Variants in IPMK observed in about 807,000 individuals in gnomAD.
IPMK encodes the protein inositol 1,3,4,6-tetrakisphosphate 5-kinase.
A neutral mutation model predicts 45.8 loss-of-function variants in IPMK; 17 were observed. The observed-to-expected ratio is 0.37, with a 90% CI of 0.25 to 0.56. IPMK has a LOEUF of 0.56. Ranked by LOEUF, IPMK falls within the 20% of genes least tolerant of loss-of-function variation. The pLI, the probability that IPMK is intolerant of heterozygous loss-of-function variation, is 0.79. For synonymous variants in IPMK, 180 were observed against 184.3 expected (o/e 0.98, Z 0.19); for missense variants, 399 against 498.0 (o/e 0.80, Z 1.89).
intron 1 of IPMK, among the ~76,000 whole-genome samples, chr10:58,260,996 CTTA>C (rs1271260964): frequency 2.0e-5 from 3 of 150,988 alleles, no homozygotes; most frequent in Non-Finnish European, 4.4e-5. Flanking sequence ...TGCATGAAGA[CTTA>C]TTATAAAATA....
intron 2 of IPMK, among the ~76,000 whole-genome samples, chr10:58,231,455 G>T (rs1430177532): frequency 1.3e-5 from 2 of 152,202 alleles, no homozygotes; most frequent in East Asian, 3.9e-4. Flanking sequence ...ACAAAGGGAA[G>T]CCCATCAGAC....
At chr10:58,265,341 C>T (rs977606686) in intron 1 of IPMK, among the ~76,000 whole-genome samples, 12 of 152,130 alleles carry the variant, frequency 7.9e-5, no homozygotes, top group African/African-American at 2.7e-4. Context: ...CAAATACCAA[C>T]ATAACGTCCT....
At chr10:58,225,354 C>T (rs1348149375) in intron 3 of IPMK, among the ~76,000 whole-genome samples, 4 of 152,078 alleles carry the variant, frequency 2.6e-5, no homozygotes, top group Non-Finnish European at 5.9e-5. Flanking sequence ...TTGTAAATAA[C>T]CAAGATAGAG....
chr10:58,233,282 A>G (rs1485011796), intron 2 of IPMK, among the ~76,000 whole-genome samples: 1 of 152,164 alleles, frequency 6.6e-6, no homozygotes, highest in African/African-American at 2.4e-5. Context: ...AACTATTCCA[A>G]TCAATAGAAA....
chr10:58,262,993 G>A (rs1477192809), intron 1 of IPMK, among the ~76,000 whole-genome samples: 1 of 152,206 alleles, frequency 6.6e-6, no homozygotes, highest in Non-Finnish European at 1.5e-5. Flanking sequence ...ATCAACAGAT[G>A]CCAAATCTAG....
intron 1 of IPMK, among the ~76,000 whole-genome samples, chr10:58,255,107 A>C (rs2590350): frequency 0.067 from 10,232 of 152,312 alleles, 802 homozygotes; most frequent in African/African-American, 0.19. Context: ...GCTATCCCAC[A>C]GACTGTCCCC....
intron 2 of IPMK, among the ~76,000 whole-genome samples, chr10:58,228,660 A>G (rs1170602260): frequency 6.6e-6 from 1 of 152,152 alleles, no homozygotes; most frequent in Non-Finnish European, 1.5e-5. Context: ...CAGCCTCCCG[A>G]GTAGCTGGGA....
At chr10:58,267,323 G>A (rs1036718228) in intron 1 of IPMK, 99 bp downstream of exon 1, 7 of 1,182,968 alleles carry the variant, frequency 5.9e-6, no homozygotes, top group East Asian at 2.4e-5. Flanking sequence ...CACACCAGGG[G>A]GGCGTCCAGG....
chr10:58,222,630 C>A (rs913930904), intron 3 of IPMK, among the ~76,000 whole-genome samples: 5 of 152,058 alleles, frequency 3.3e-5, no homozygotes, highest in African/African-American at 1.2e-4. Flanking sequence ...AGAAATAAAG[C>A]TACATTTAAG....
At chr10:58,218,926 T>A (rs187195252) in intron 3 of IPMK, among the ~76,000 whole-genome samples, 48 of 152,322 alleles carry the variant, frequency 3.2e-4, no homozygotes, top group Non-Finnish European at 6.0e-4. Context: ...ATTCCTATTG[T>A]CCAGTGAAAC....
intron 3 of IPMK, among the ~76,000 whole-genome samples, chr10:58,219,076 T>C (rs891278751): frequency 6.6e-6 from 1 of 152,224 alleles, no homozygotes; most frequent in Non-Finnish European, 1.5e-5. Flanking sequence ...GTCCTTCTTA[T>C]GTTTCATATG....
intron 1 of IPMK, among the ~76,000 whole-genome samples, chr10:58,257,481 C>T (rs571618840): frequency 5.9e-5 from 9 of 151,724 alleles, no homozygotes; most frequent in African/African-American, 2.2e-4. Flanking sequence ...GGCAACGGAG[C>T]AAGACTCTGT....
At chr10:58,266,424 G>C (rs992695821) in intron 1 of IPMK, among the ~76,000 whole-genome samples, 2 of 152,142 alleles carry the variant, frequency 1.3e-5, no homozygotes, top group African/African-American at 2.4e-5. Context: ...AGAACTCTTG[G>C]TTTCACAATT....
chr10:58,213,933 G>A (rs549228425), intron 4 of IPMK, among the ~76,000 whole-genome samples: 52 of 152,316 alleles, frequency 3.4e-4, no homozygotes, highest in African/African-American at 1.3e-3. Flanking sequence ...TGGGGCAGAA[G>A]CCAGATTAGA....
chr10:58,221,324 A>C (rs1324688708), intron 3 of IPMK, among the ~76,000 whole-genome samples: 2 of 150,472 alleles, frequency 1.3e-5, no homozygotes, highest in East Asian at 3.9e-4. Flanking sequence ...CTACTATTTC[A>C]TCCTTCCTTC....
At chr10:58,247,067 C>G (rs1838812640) in intron 1 of IPMK, among the ~76,000 whole-genome samples, 1 of 150,890 alleles carries the variant, frequency 6.6e-6, no homozygotes, top group Non-Finnish European at 1.5e-5. Context: ...CTCACCATCA[C>G]TGGCCATCAG....
At chr10:58,200,696 C>T (rs1281493644) in intron 4 of IPMK, among the ~76,000 whole-genome samples, 1 of 152,140 alleles carries the variant, frequency 6.6e-6, no homozygotes, top group African/African-American at 2.4e-5. Flanking sequence ...TACCTGATAT[C>T]TTATGTCAGG....
rs142472902 is a variant in IPMK, at chr10:58,252,390, G to C, written c.191-14576C>G. Among the ~76,000 whole-genome samples the C allele has an allele frequency of 3.5e-4, 52 of 146,836 alleles. No individual in the cohort carries two copies. In the East Asian group the frequency reaches 9.5e-3, roughly 27 times the overall value. On this transcript the variant is annotated intron_variant, in intron 1 of 5. Coordinates refer to ENST00000373935, the MANE Select transcript of IPMK (RefSeq NM_152230.5). ...AGTCTTCATCTTTAAGATATAAGTG[G>C]TTTTACTTACCATAATTACAGTATT...
At position 58,267,885 on chromosome 10, in the gene IPMK, G is replaced by C; in HGVS notation, c.-274C>G. 2 of 364,952 alleles carry C rather than the reference G, an allele frequency of 5.5e-6. 1 individual carries two copies. Among genetic ancestry groups the C allele is most frequent in the East Asian group, 9.8e-5 (2 of 20,348 alleles). The allele number at this position is 364,952 out of a possible 1,614,324, so 22.6% of individuals were successfully genotyped here. A position where few individuals can be genotyped will look rare whatever the true frequency, so the allele number is the denominator to read the frequency against. ...GGCGCTGCCCGGTAGACAGAACCGA[G>C]CCGAAGAACAGCAGCAGCGGCGCCC... On this transcript the variant is annotated 5_prime_UTR_variant, in exon 1 of 6. Transcript: ENST00000373935.
Sources: allele counts gnomAD v4.1 joint callset (sites outside exome capture counted in the v4.1 genomes callset), GRCh38; gene constraint gnomAD v4.1.1; transcripts MANE v1.5; gene names NCBI Gene and HGNC (gene_info 2026-07-23, HGNC 2026-07-21).